Variants in NUP62CL observed in about 807,000 individuals in gnomAD.
NUP62CL encodes the protein nucleoporin 62 C-terminal like.
A neutral mutation model predicts 15.3 loss-of-function variants in NUP62CL; 13 were observed. That is an observed-to-expected ratio of 0.85 (90% CI 0.55 to 1.35). The LOEUF is 1.35. Ranked by LOEUF, NUP62CL falls within the 40% of genes most tolerant of loss-of-function variation. NUP62CL has a pLI of 0.00. For synonymous variants in NUP62CL, 54 were observed against 49.2 expected (o/e 1.10, Z -0.41); for missense variants, 123 against 130.6 (o/e 0.94, Z 0.28).
chrX:107,128,829 T>G (rs962163241), intron 8 of NUP62CL, among the ~76,000 whole-genome samples: 1 of 111,702 alleles, frequency 9.0e-6, no homozygotes, highest in East Asian at 2.8e-4. Context: ...GAGAACCAGA[T>G]AGGGGTTAGA....
intron 8 of NUP62CL, chrX:107,131,988 CAT>C (rs1453716928): frequency 9.8e-6 from 10 of 1,016,031 alleles, no homozygotes; most frequent in Admixed American, 2.2e-5. Context: ...GAGAAGAAAA[CAT>C]AGGTGGGATG....
intron 8 of NUP62CL, among the ~76,000 whole-genome samples, chrX:107,130,104 G>T (rs1925479386): frequency 9.0e-6 from 1 of 111,645 alleles, no homozygotes; most frequent in African/African-American, 3.3e-5. Flanking sequence ...TAGAAAAACA[G>T]TATTTCCAGA....
intron 8 of NUP62CL, among the ~76,000 whole-genome samples, chrX:107,142,110 T>TA (rs1219898939): frequency 1.8e-5 from 2 of 110,117 alleles, no homozygotes; most frequent in Admixed American, 9.7e-5. Flanking sequence ...CAAAGCTTCT[T>TA]AAAAAAATCC....
chrX:107,139,138 A>T (rs908516923), intron 8 of NUP62CL, among the ~76,000 whole-genome samples: 1 of 110,792 alleles, frequency 9.0e-6, no homozygotes, highest in Non-Finnish European at 1.9e-5. Flanking sequence ...GTTGCCAAGG[A>T]GTTAATTAGG....
At chrX:107,147,427 T>C (rs1406643042) in intron 8 of NUP62CL, among the ~76,000 whole-genome samples, 1 of 111,374 alleles carries the variant, frequency 9.0e-6, no homozygotes, top group East Asian at 2.8e-4. Context: ...TTTTTTGGTA[T>C]GTAAAACATT....
In NUP62CL at chrX:107,189,858, G is replaced by GAA. The variant is rs1927170284; in HGVS notation, c.-48+3169_-48+3170dup. Among the ~76,000 whole-genome samples, 16 of 84,068 alleles carry GAA rather than the reference G, an allele frequency of 1.9e-4. No individual in the cohort carries two copies. The South Asian group carries it at 2.0e-3, about 10-fold the overall frequency. 73.0% of individuals were successfully genotyped at this position (84,068 alleles called of 115,157 possible). A position where few individuals can be genotyped will look rare whatever the true frequency, so the allele number is the denominator to read the frequency against. On this transcript the variant is annotated intron_variant, in intron 2 of 8. Transcript: ENST00000372466. ...GGAAGGAAGGAAGGAAGGAAGGAAG[G>GAA]AAGGAAGGAAAAAGAAAGAAAAGAA...
intron 2 of NUP62CL, among the ~76,000 whole-genome samples, chrX:107,183,435 G>A (rs1602660715): frequency 9.1e-6 from 1 of 110,360 alleles, no homozygotes; most frequent in South Asian, 3.9e-4. Flanking sequence ...TGGCTCTATT[G>A]CTTAAAAAAA....
chrX:107,188,053 TAAAAC>T (rs1469918058), intron 2 of NUP62CL, among the ~76,000 whole-genome samples: 2 of 111,805 alleles, frequency 1.8e-5, no homozygotes, highest in Admixed American at 9.5e-5. Flanking sequence ...TTTCAGAAAA[TAAAAC>T]AGGAGAACTC....
intron 1 of NUP62CL, among the ~76,000 whole-genome samples, chrX:107,198,345 G>A (rs922311279): frequency 8.0e-5 from 9 of 111,995 alleles, no homozygotes; most frequent in Non-Finnish European, 1.9e-5. Flanking sequence ...TCAGCAGGAT[G>A]TGGGTGGGGC....
At chrX:107,156,092 G>A (rs1285593) in intron 4 of NUP62CL, among the ~76,000 whole-genome samples, 17 of 108,687 alleles carry the variant, frequency 1.6e-4, no homozygotes, top group Non-Finnish European at 2.1e-4. Flanking sequence ...AACGGCGCAC[G>A]ACGAGACTAT....
intron 2 of NUP62CL, among the ~76,000 whole-genome samples, chrX:107,180,159 G>A (rs970722844): frequency 2.7e-5 from 3 of 112,022 alleles, no homozygotes; most frequent in Admixed American, 9.5e-5. Context: ...CTCTGTTAAG[G>A]ACACTATAAA....
At chrX:107,165,251 G>T (rs1926488963) in intron 4 of NUP62CL, among the ~76,000 whole-genome samples, 1 of 110,286 alleles carries the variant, frequency 9.1e-6, no homozygotes, top group Admixed American at 9.7e-5. Flanking sequence ...GATGCAGTGA[G>T]CTAAGATCTT....
chrX:107,193,496 T>C (rs1927293085), intron 1 of NUP62CL, among the ~76,000 whole-genome samples: 1 of 111,948 alleles, frequency 8.9e-6, no homozygotes, highest in African/African-American at 3.2e-5. Flanking sequence ...ACAAGAAACA[T>C]GTGAGAATCC....
chrX:107,170,540 G>A (rs1349104147), intron 3 of NUP62CL, among the ~76,000 whole-genome samples: 1 of 109,369 alleles, frequency 9.1e-6, no homozygotes, highest in Non-Finnish European at 1.9e-5. Context: ...AGCCTCCCGA[G>A]TAGCTGGGAC....
chrX:107,125,402 G>A (rs1208404168), intron 8 of NUP62CL, among the ~76,000 whole-genome samples: 2 of 110,806 alleles, frequency 1.8e-5, no homozygotes, highest in Non-Finnish European at 3.8e-5. Flanking sequence ...TTACTGTGTA[G>A]GGATTAGCAC....
At position 107,124,144 on chromosome X, in the gene NUP62CL, G is replaced by A. The variant is rs1328364085; in HGVS notation, c.*231C>T. On this transcript the variant is annotated 3_prime_UTR_variant, in exon 9 of 9. Coordinates refer to ENST00000372466, the MANE Select transcript of NUP62CL (RefSeq NM_017681.3). ...AAAAAAAGGATGCACAATTCATTAT[G>A]ATCAAGATGAAATATTAAGTATAAA... is the stretch of plus-strand genomic sequence containing the variant. 2.1e-5 allele frequency: 6 copies of A among 280,212 alleles called. No homozygotes were observed. Among genetic ancestry groups the A allele is most frequent in the Admixed American group, 5.2e-5 (1 of 19,330 alleles). 23.1% of individuals were successfully genotyped at this position (280,212 alleles called of 1,213,427 possible). A position where few individuals can be genotyped will look rare whatever the true frequency, so the allele number is the denominator to read the frequency against.
At chrX:107,176,979 C>G (rs1250404467) in intron 2 of NUP62CL, among the ~76,000 whole-genome samples, 1 of 109,306 alleles carries the variant, frequency 9.1e-6, no homozygotes, top group Non-Finnish European at 1.9e-5. Flanking sequence ...GGACAATAGG[C>G]AGGAAAAAGA....
At chrX:107,185,909 A>G (rs967396092) in intron 2 of NUP62CL, among the ~76,000 whole-genome samples, 2 of 111,676 alleles carry the variant, frequency 1.8e-5, no homozygotes, top group Admixed American at 9.5e-5. Context: ...ATTTAACAAA[A>G]GGGAGTAGGG....
At chrX:107,171,466 G>A (rs1011093978) in intron 3 of NUP62CL, among the ~76,000 whole-genome samples, 1 of 111,806 alleles carries the variant, frequency 8.9e-6, no homozygotes, top group Non-Finnish European at 1.9e-5. Flanking sequence ...GGCTGGGGAG[G>A]CCTCAAAATC....
Sources: gnomAD v4.1 joint callset for allele counts (sites outside exome capture counted in the v4.1 genomes callset) on GRCh38, gnomAD v4.1.1 for gene constraint, MANE v1.5 for transcripts, NCBI Gene and HGNC (gene_info 2026-07-23, HGNC 2026-07-21) for gene names.